Variants in TRAPPC9 observed in about 807,000 individuals in gnomAD.
The protein encoded by TRAPPC9 is trafficking protein particle complex subunit 9.
A neutral mutation model predicts 124.0 loss-of-function variants in TRAPPC9; 83 were observed. The observed-to-expected ratio is 0.67, with a 90% confidence interval of 0.56 to 0.80. The LOEUF is 0.80. Ranked by LOEUF, TRAPPC9 falls within the 30% of genes least tolerant of loss-of-function variation. The pLI, the probability that TRAPPC9 is intolerant of heterozygous loss-of-function variation, is 0.00. For missense variants in TRAPPC9, 1,302 were observed against 1,508.3 expected, an observed-to-expected ratio of 0.86 and a Z score of 2.27; for synonymous variants, 638 against 617.5, an observed-to-expected ratio of 1.03 and a Z score of -0.49.
intron 6 of TRAPPC9, among the ~76,000 whole-genome samples, chr8:140,400,705 G>A (rs1178372911): frequency 1.3e-5 from 2 of 152,044 alleles, no homozygotes; most frequent in Non-Finnish European, 2.9e-5. Context: ...CTAGCTTCAA[G>A]CCAGGAGAGC....
intron 17 of TRAPPC9, among the ~76,000 whole-genome samples, chr8:140,195,247 A>C (rs1438427834): frequency 1.3e-5 from 2 of 151,848 alleles, no homozygotes; most frequent in African/African-American, 4.8e-5. Context: ...CACCTGTGAC[A>C]CTAAAACACA....
intron 20 of TRAPPC9, among the ~76,000 whole-genome samples, chr8:139,890,901 T>G (rs1312853950): frequency 6.6e-6 from 1 of 150,908 alleles, no homozygotes; most frequent in Non-Finnish European, 1.5e-5. Context: ...TCTGTGGCTG[T>G]CTGTGCCTGG....
In TRAPPC9 at chr8:139,860,628, T is replaced by C. The variant is rs115357967; in HGVS notation, c.3055+25251A>G. On this transcript the variant is annotated intron_variant, in intron 21 of 22. Coordinates refer to ENST00000438773, the MANE Select transcript of TRAPPC9 (RefSeq NM_001160372.4). ...AAACCTGGCTCTTTCCACACTTCCT[T>C]CAGCACTTCCCCCCAGCTCATCCCT... is the stretch of plus-strand genomic sequence containing the variant. Among the ~76,000 whole-genome samples the C allele has an allele frequency of 1.3e-3, 195 of 152,272 alleles. 4 individuals are homozygous for C. The highest frequency in any genetic ancestry group is 4.4e-3 in the African/African-American group (181 of 41,548).
At chr8:140,202,303 G>A (rs1587914051) in intron 17 of TRAPPC9, among the ~76,000 whole-genome samples, 1 of 152,106 alleles carries the variant, frequency 6.6e-6, no homozygotes, top group South Asian at 2.1e-4. Context: ...GTGAATCAAC[G>A]GAAATCCATG....
At chr8:140,246,849 G>A (rs1239080388) in intron 16 of TRAPPC9, among the ~76,000 whole-genome samples, 1 of 152,134 alleles carries the variant, frequency 6.6e-6, no homozygotes, top group Admixed American at 6.5e-5. Flanking sequence ...CCCAGGTGTG[G>A]TGGCATACGC....
At chr8:140,260,264 AGACTGATCTTG>A (rs2064372119) in intron 15 of TRAPPC9, among the ~76,000 whole-genome samples, 1 of 152,182 alleles carries the variant, frequency 6.6e-6, no homozygotes, top group Admixed American at 6.5e-5. Flanking sequence ...TCCACGTGCA[AGACTGATCTTG>A]CTAAGGCCCG....
At chr8:139,896,669 C>T (rs1028375032) in intron 20 of TRAPPC9, among the ~76,000 whole-genome samples, 7 of 152,218 alleles carry the variant, frequency 4.6e-5, no homozygotes, top group Admixed American at 4.6e-4. Context: ...GACTCCTCAC[C>T]GTAAACCTGG....
chr8:140,439,549 C>T (rs2070936728), intron 2 of TRAPPC9, among the ~76,000 whole-genome samples: 1 of 152,208 alleles, frequency 6.6e-6, no homozygotes, highest in Admixed American at 6.5e-5. Flanking sequence ...TTATCTTCCA[C>T]TTCTTAACAT....
chr8:139,742,134 G>A lies in TRAPPC9; in HGVS notation c.3056-9932C>T, dbSNP rs563363943. Among the ~76,000 whole-genome samples the A allele has an allele frequency of 2.2e-4, 34 of 152,328 alleles. No homozygotes were observed. Among genetic ancestry groups the A allele is most frequent in the African/African-American group, 6.5e-4 (27 of 41,580 alleles). On this transcript the variant is annotated intron_variant, in intron 21 of 22. Transcript: ENST00000438773. This position sits in a 1 kb window ranked among gnomAD's most constrained non-coding sequence, Gnocchi z 4.7. ...CGGCTGCACCCCCATTCCCAGCGGC[G>A]GTGCGGGAGAGGCCTGACTGCTCCA...
chr8:139,797,163 T>C (rs1033964370), intron 21 of TRAPPC9, among the ~76,000 whole-genome samples: 1 of 152,240 alleles, frequency 6.6e-6, no homozygotes, highest in Non-Finnish European at 1.5e-5. Context: ...TTATCAGATA[T>C]ATGGTTTGCA....
intron 8 of TRAPPC9, among the ~76,000 whole-genome samples, chr8:140,368,767 A>T (rs1467117620): frequency 6.6e-6 from 1 of 151,592 alleles, no homozygotes; most frequent in Non-Finnish European, 1.5e-5. Flanking sequence ...TATATTACTC[A>T]CTCAGTCTGC....
chr8:139,764,017 TG>T, intron 21 of TRAPPC9, among the ~76,000 whole-genome samples: 1 of 152,314 alleles, frequency 6.6e-6, no homozygotes. Context: ...GGTCTGCCGA[TG>T]GGGGGTTGTG....
At position 139,729,752 on chromosome 8, in the gene TRAPPC9, C is replaced by T. The variant is rs775672500; in HGVS notation, c.*1309G>A. Among the ~76,000 whole-genome samples the T allele has an allele frequency of 6.6e-6, 1 of 152,262 alleles. No homozygotes were observed. The highest frequency in any genetic ancestry group is 2.1e-4 in the South Asian group (1 of 4,836). On this transcript the variant is annotated 3_prime_UTR_variant, in exon 23 of 23. Coordinates refer to ENST00000438773, the MANE Select transcript of TRAPPC9 (RefSeq NM_001160372.4). The stretch of plus-strand genomic sequence containing the variant: ...AGCCCCGCAGGCCTCCTGATGCCAA[C>T]ATGACTCTGCCCCATGGGAGGCCAG...
rs35795692 is a variant in TRAPPC9 at position 140,024,401 on chromosome 8, C to CT, written c.2557-323dup. The stretch of plus-strand genomic sequence containing the variant: ...CTTACTCTGTGGTTAAATATGGTTT[C>CT]TTTTTTTTTTTTTTGGAGATGGAGT... On this transcript the variant is annotated intron_variant, in intron 17 of 22. Transcript: ENST00000438773. 2.5e-3 allele frequency among the ~76,000 whole-genome samples: 368 copies of CT among 144,826 alleles called. 1 individual carries two copies. Among genetic ancestry groups the CT allele is most frequent in the African/African-American group, 3.8e-3 (148 of 39,364 alleles).
intron 11 of TRAPPC9, among the ~76,000 whole-genome samples, chr8:140,297,434 CAT>C (rs1563925804): frequency 6.6e-6 from 1 of 152,198 alleles, no homozygotes; most frequent in Admixed American, 6.5e-5. Context: ...CATACACACA[CAT>C]ACACACATAC....
At chr8:139,992,060 TA>T (rs1312176237) in intron 18 of TRAPPC9, among the ~76,000 whole-genome samples, 1 of 151,830 alleles carries the variant, frequency 6.6e-6, no homozygotes, top group Non-Finnish European at 1.5e-5. Flanking sequence ...TATAAACTTA[TA>T]AAAAAAAGCT....
intron 6 of TRAPPC9, chr8:140,405,356 C>CT: frequency 2.1e-6 from 1 of 469,266 alleles, no homozygotes; most frequent in Admixed American, 3.8e-5. Context: ...CCATGAGAGC[C>CT]TTTTTTCTCT....
Position 139,735,971 on chromosome 8 carries a change from G to A in TRAPPC9, c.3056-3769C>T, listed in dbSNP as rs190019238. Among the ~76,000 whole-genome samples the A allele has an allele frequency of 6.7e-3, 1,017 of 152,344 alleles. 15 individuals are homozygous for A. Among genetic ancestry groups the A allele is most frequent in the South Asian group, 0.016 (75 of 4,832 alleles). On this transcript the variant is annotated intron_variant, in intron 21 of 22. Transcript: ENST00000438773. Reference sequence around the variant, plus strand: ...GTTGTGGGCAGAGCCACACCCTGTCGGAGCAGGAGGCCAGGCTGCAGTCCC... The same window carrying A: ...GTTGTGGGCAGAGCCACACCCTGTCAGAGCAGGAGGCCAGGCTGCAGTCCC...
intron 17 of TRAPPC9, among the ~76,000 whole-genome samples, chr8:140,190,373 G>C (rs1424474092): frequency 6.6e-6 from 1 of 152,180 alleles, no homozygotes; most frequent in Non-Finnish European, 1.5e-5. Context: ...CAGGAGAAGT[G>C]CTTGAACTCG....
Sources: gnomAD v4.1 joint callset for allele counts (sites outside exome capture counted in the v4.1 genomes callset) on GRCh38, gnomAD v4.1.1 for gene constraint, Gnocchi (gnomAD v3.1) non-coding constraint, MANE v1.5 for transcripts, NCBI Gene and HGNC (gene_info 2026-07-23, HGNC 2026-07-21) for gene names.